Variants in TRIM66 observed in about 807,000 individuals in gnomAD.
TRIM66 encodes tripartite motif containing 66.
In TRIM66, 99 loss-of-function variants were observed where a neutral mutation model predicts 148.2. That is an observed-to-expected ratio of 0.67 (90% CI 0.57 to 0.79). TRIM66 has a LOEUF of 0.79. Among genes scored for constraint, TRIM66 ranks in the 30% least tolerant of loss-of-function variants. The pLI is 0.00. For synonymous variants in TRIM66, 616 were observed against 635.9 expected, an observed-to-expected ratio of 0.97 and a Z score of 0.47; for missense variants, 1,666 against 1,697.9, an observed-to-expected ratio of 0.98 and a Z score of 0.33.
At position 8,617,711 on chromosome 11, in the gene TRIM66, T is replaced by C. The variant is rs2033810006; in HGVS notation, c.*233A>G. 3 of 527,734 alleles carry C rather than the reference T, an allele frequency of 5.7e-6. No homozygotes were observed. The highest frequency in any genetic ancestry group is 1.0e-5 in the Non-Finnish European group (3 of 297,818). The allele number at this position is 527,734 out of a possible 1,614,324, so 32.7% of individuals were successfully genotyped here. On this transcript the variant is annotated 3_prime_UTR_variant, in exon 25 of 25. Coordinates refer to ENST00000646038, the MANE Select transcript of TRIM66 (RefSeq NM_001388022.1). Reference sequence around the variant, plus strand: ...GTGGAGCCTATACATCTGATTACTCTGGTAATAATAAATACCTTCCTCTTT... The same window carrying C: ...GTGGAGCCTATACATCTGATTACTCCGGTAATAATAAATACCTTCCTCTTT...
chr11:8,633,371 C>T (rs1240505825), intron 15 of TRIM66, among the ~76,000 whole-genome samples: 1 of 152,028 alleles, frequency 6.6e-6, no homozygotes, highest in Admixed American at 6.6e-5. Flanking sequence ...ACACTTTACA[C>T]ACTATTCTGT....
chr11:8,625,351 GCTGCTGGTA>G, intron 15 of TRIM66, 123 bp from the exon 16 acceptor site: 1 of 687,162 alleles, frequency 1.5e-6, no homozygotes. Flanking sequence ...GAGTCTGGTA[GCTGCTGGTA>G]GCTGCCAGGA....
At chr11:8,644,718 T>A (rs563032362) in intron 12 of TRIM66, among the ~76,000 whole-genome samples, 1 of 152,190 alleles carries the variant, frequency 6.6e-6, no homozygotes, top group Non-Finnish European at 1.5e-5. Flanking sequence ...AACTCTGCCA[T>A]CTTCTCAGGC....
At chr11:8,649,642 C>A in intron 8 of TRIM66, 98 bp downstream of exon 8, 2 of 1,455,796 alleles carry the variant, frequency 1.4e-6, no homozygotes, top group Non-Finnish European at 1.8e-6. Context: ...CCTTCTCCCC[C>A]AGCAAGAAAA....
chr11:8,675,824 C>T (rs1414140613), intron 3 of TRIM66, among the ~76,000 whole-genome samples: 1 of 151,998 alleles, frequency 6.6e-6, no homozygotes, highest in Non-Finnish European at 1.5e-5. Flanking sequence ...CTGCAACCTC[C>T]GACTCCCTGG....
Position 8,671,862 on chromosome 11 carries a change from C to G in TRIM66, c.264G>C (p.Leu88Phe), listed in dbSNP as rs2038953190. The G allele has an allele frequency of 3.3e-6, 5 of 1,535,856 alleles. No homozygotes were observed. The highest frequency in any genetic ancestry group is 2.4e-5 in the East Asian group (1 of 40,916). Residue 88 changes from leucine to phenylalanine, a missense_variant, in exon 6 of 25, where the codon TTG (leucine) becomes TTC (phenylalanine). Physicochemically the swap from Leu to Phe is conservative, Grantham distance 22. Around this residue, in one of 3 missense-constraint regions of TRIM66, gnomAD observed 1,431 missense variants for 1,412.4 expected, o/e 1.01. Coordinates refer to ENST00000646038, the MANE Select transcript of TRIM66 (RefSeq NM_001388022.1). ...AGCCCTGGAAGCAGTCCTTACGGAG[C>G]AAATGCTGGCAGGATAGGAGATGAG... is the stretch of plus-strand genomic sequence containing the variant. ...MGSHLLSCQH[L>F]LRKDCFQGLI...
chr11:8,656,550 A>C (rs2037846385), intron 6 of TRIM66, among the ~76,000 whole-genome samples: 2 of 152,208 alleles, frequency 1.3e-5, no homozygotes, highest in South Asian at 4.1e-4. Flanking sequence ...CTGAAAACGG[A>C]GGACATTTAG....
intron 4 of TRIM66, among the ~76,000 whole-genome samples, chr11:8,673,284 A>C (rs1184264101): frequency 6.6e-6 from 1 of 152,102 alleles, no homozygotes; most frequent in African/African-American, 2.4e-5. Flanking sequence ...TATTTTCATG[A>C]GTTCTGTCCA....
rs1169629440 is a variant in TRIM66, at chr11:8,625,209, A to T, written c.2330T>A (p.Ile777Asn). ...CTCCAGAGTGTTGGAAAAGCCCATG[A>T]TGCTCAGCGAGGTGGAGTGCTGCAG... is the stretch of plus-strand genomic sequence containing the variant. ...VVRKHSTSLS[I>N]MGFSNTLEME... is the part of the protein sequence containing the mutation. The change falls in exon 16 of 25, where the codon ATC becomes AAC. Residue 777 changes from isoleucine to asparagine, a missense_variant. By Grantham distance (149) the Ile-to-Asn change is moderately radical. Around this residue, in one of 3 missense-constraint regions of TRIM66, gnomAD observed 1,431 missense variants for 1,412.4 expected, o/e 1.01. Coordinates refer to ENST00000646038, the MANE Select transcript of TRIM66 (RefSeq NM_001388022.1). The T allele has an allele frequency of 6.6e-7, 1 of 1,509,044 alleles. No individual in the cohort carries two copies. The highest frequency in any genetic ancestry group is 2.5e-5 in the East Asian group (1 of 40,508). 93.5% of individuals were successfully genotyped at this position (1,509,044 alleles called of 1,614,324 possible).
At chr11:8,620,163 G>A in intron 21 of TRIM66, 39 bp from the exon 22 acceptor site, 1 of 1,529,154 alleles carries the variant, frequency 6.5e-7, no homozygotes, top group East Asian at 2.4e-5. Context: ...ACTTTGTTCT[G>A]GTCTCACCTC....
upstream of TRIM66, chr11:8,682,827 C>G: frequency 2.5e-6 from 4 of 1,611,458 alleles, no homozygotes; most frequent in Non-Finnish European, 2.5e-6. Context: ...GTAGGTGTTT[C>G]GTTTCTTGCC....
chr11:8,660,492 T>C (rs1413773076), intron 6 of TRIM66, among the ~76,000 whole-genome samples: 1 of 152,186 alleles, frequency 6.6e-6, no homozygotes, highest in Non-Finnish European at 1.5e-5. Flanking sequence ...TTCTTGTAAA[T>C]AAAGAATACA....
At chr11:8,675,418 T>C (rs1185771182) in intron 3 of TRIM66, among the ~76,000 whole-genome samples, 11 of 152,244 alleles carry the variant, frequency 7.2e-5, no homozygotes, top group Non-Finnish European at 1.5e-4. Flanking sequence ...GTTTTGCCCT[T>C]GTTAACCAGG....
intron 12 of TRIM66, chr11:8,644,512 C>G (rs981589983): frequency 1.2e-5 from 5 of 427,168 alleles, no homozygotes; most frequent in Non-Finnish European, 1.9e-5. Flanking sequence ...TTAACTACAG[C>G]ATTGTCCCCT....
chr11:8,627,032 T>A (rs1470715196), intron 15 of TRIM66, among the ~76,000 whole-genome samples: 1 of 152,224 alleles, frequency 6.6e-6, no homozygotes, highest in Non-Finnish European at 1.5e-5. Context: ...CTTCTTTCAT[T>A]CTCTAGTCCA....
chr11:8,629,908 G>GA (rs1177359658), intron 15 of TRIM66, among the ~76,000 whole-genome samples: 23 of 152,332 alleles, frequency 1.5e-4, no homozygotes, highest in Middle Eastern at 3.4e-3. Context: ...AGTGCTGTGA[G>GA]AAAGCCAGCC....
chr11:8,671,756 G>T, intron 6 of TRIM66, 30 bp downstream of exon 6: 2 of 945,720 alleles, frequency 2.1e-6, no homozygotes, highest in South Asian at 1.4e-5. Flanking sequence ...TATGTAGTGG[G>T]AGGTGAACTT....
upstream of TRIM66, chr11:8,683,006 G>C: frequency 4.6e-6 from 4 of 875,400 alleles, no homozygotes; most frequent in Non-Finnish European, 7.1e-6. Flanking sequence ...CCCGCGGTTC[G>C]GATCTCTAGG....
chr11:8,673,648 G>C (rs2039048266), intron 4 of TRIM66, among the ~76,000 whole-genome samples: 1 of 152,170 alleles, frequency 6.6e-6, no homozygotes, highest in Admixed American at 6.5e-5. Context: ...AAGTCATAAT[G>C]ATAGTTTAGT....
Sources: gnomAD v4.1 joint callset for allele counts (sites outside exome capture counted in the v4.1 genomes callset) on GRCh38, gnomAD v4.1.1 for gene constraint, gnomAD v4.1.1 regional missense constraint, MANE v1.5 for transcripts, NCBI Gene and HGNC (gene_info 2026-07-23, HGNC 2026-07-21) for gene names.